Variants in ILDR2 observed in about 807,000 individuals in gnomAD.
The protein encoded by ILDR2 is immunoglobulin-like domain-containing receptor 2.
Under a neutral mutation model 66.8 loss-of-function variants are expected in ILDR2, and 25 were observed. The observed-to-expected ratio is 0.37, with a 90% CI of 0.27 to 0.52. The LOEUF is 0.52. Ranked by LOEUF, ILDR2 falls within the 20% of genes least tolerant of loss-of-function variation. The probability of loss-of-function intolerance (pLI) is 0.88; values close to 1 mark genes in which losing one functional copy is unlikely to be tolerated. For synonymous variants in ILDR2, 367 were observed against 357.2 expected, an observed-to-expected ratio of 1.03 and a Z score of -0.31; for missense variants, 827 against 876.8, an observed-to-expected ratio of 0.94 and a Z score of 0.72.
At chr1:166,927,223 A>G in intron 6 of ILDR2, 43 bp from the exon 7 acceptor site, 1 of 1,333,370 alleles carries the variant, frequency 7.5e-7, no homozygotes, top group Non-Finnish European at 1.1e-6. Context: ...AAAGGAAAAT[A>G]TCAGGAGAAG....
At position 166,897,229 on chromosome 1, in the gene ILDR2, G is replaced by A. The variant is rs909949251; in HGVS notation, n.172-1128C>T. 2.0e-5 allele frequency among the ~76,000 whole-genome samples: 3 copies of A among 152,216 alleles called. No homozygotes were observed. In the East Asian group the frequency reaches 5.8e-4, roughly 29 times the overall value. Reference sequence around the variant, plus strand: ...ACACAGTGTCAGTAGAGATGGAACAGAGGAGCTGTATTTAAAAGATATTTA... The same window carrying A: ...ACACAGTGTCAGTAGAGATGGAACAAAGGAGCTGTATTTAAAAGATATTTA... On this transcript the variant is annotated intron_variant and non_coding_transcript_variant, in intron 2 of 2. Coordinates refer to the ILDR2 transcript ENST00000414590.
At chr1:166,935,641 T>A (rs1660925411) in intron 5 of ILDR2, among the ~76,000 whole-genome samples, 164 bp from the exon 6 acceptor site, 1 of 152,064 alleles carries the variant, frequency 6.6e-6, no homozygotes, top group Admixed American at 6.6e-5. Flanking sequence ...AGAATCACTC[T>A]CCCCCACTCC....
chr1:166,951,972 T>C (rs1662009384), intron 3 of ILDR2, among the ~76,000 whole-genome samples: 1 of 152,148 alleles, frequency 6.6e-6, no homozygotes, highest in Non-Finnish European at 1.5e-5. Flanking sequence ...CAGTCACATT[T>C]CCTCCCAGGC....
chr1:166,953,318 C>G, intron 3 of ILDR2, among the ~76,000 whole-genome samples: 1 of 152,196 alleles, frequency 6.6e-6, no homozygotes, highest in East Asian at 1.9e-4. Context: ...AGAATCTAGT[C>G]CAAACTTCTT....
intron 6 of ILDR2, among the ~76,000 whole-genome samples, chr1:166,932,756 A>G (rs769028561): frequency 2.6e-5 from 4 of 152,366 alleles, no homozygotes; most frequent in East Asian, 1.9e-4. Context: ...TCAACCACAC[A>G]TTGTTCAAAA....
intron 3 of ILDR2, among the ~76,000 whole-genome samples, chr1:166,947,681 G>C (rs899722928): frequency 6.6e-6 from 1 of 152,104 alleles, no homozygotes; most frequent in Non-Finnish European, 1.5e-5. Context: ...TCCCCCGCTC[G>C]GGCCGGCGCG....
At chr1:166,903,804 T>A (rs780983128), downstream of ILDR2, among the ~76,000 whole-genome samples, 2 of 152,178 alleles carry the variant, frequency 1.3e-5, no homozygotes, top group Non-Finnish European at 2.9e-5. Context: ...TCAAGCACTG[T>A]TCACTTGTTC....
chr1:166,935,566 G>T, intron 5 of ILDR2, 89 bp from the exon 6 acceptor site: 1 of 1,223,504 alleles, frequency 8.2e-7, no homozygotes, highest in South Asian at 1.6e-5. Flanking sequence ...GCACTTCAGG[G>T]AGCTCCTGGA....
At chr1:166,939,221 C>G (rs1344613645) in intron 4 of ILDR2, among the ~76,000 whole-genome samples, 1 of 152,144 alleles carries the variant, frequency 6.6e-6, no homozygotes, top group African/African-American at 2.4e-5. Context: ...TATATGGGTA[C>G]AGCTGAAATA....
At chr1:166,970,678 G>C (rs931374963) in intron 1 of ILDR2, among the ~76,000 whole-genome samples, 1 of 152,152 alleles carries the variant, frequency 6.6e-6, no homozygotes, top group Non-Finnish European at 1.5e-5. Context: ...AGTAGTGCAA[G>C]ACTACTCATA....
intron 9 of ILDR2, among the ~76,000 whole-genome samples, chr1:166,919,976 G>T (rs1037191526): frequency 4.6e-5 from 7 of 152,138 alleles, no homozygotes; most frequent in African/African-American, 1.7e-4. Context: ...CCCCACAGCG[G>T]ACATTTGTGA....
intron 3 of ILDR2, among the ~76,000 whole-genome samples, chr1:166,954,415 T>A (rs1662156321): frequency 6.6e-6 from 1 of 152,258 alleles, no homozygotes; most frequent in Non-Finnish European, 1.5e-5. Context: ...CAGTGCTTTA[T>A]GGACTCAGAA....
chr1:166,917,178 C>T lies in ILDR2; in HGVS notation c.*2177G>A, dbSNP rs1354310358. 1 of 152,226 alleles carries T rather than the reference C, an allele frequency of 6.6e-6. No individual in the cohort carries two copies. Among genetic ancestry groups the T allele is most frequent in the Non-Finnish European group, 1.5e-5 (1 of 68,096 alleles). 9.4% of individuals were successfully genotyped at this position (152,226 alleles called of 1,614,324 possible). The stretch of plus-strand genomic sequence containing the variant: ...CAGGGTTATGGCTTGTGTCTTCCAG[C>T]CCTTGGAAGTGCCAGCACTGGGTTC... On this transcript the variant is annotated 3_prime_UTR_variant, in exon 10 of 10. Coordinates refer to ENST00000271417, the MANE Select transcript of ILDR2 (RefSeq NM_199351.3).
At chr1:166,927,557 A>G (rs1660373399) in intron 6 of ILDR2, among the ~76,000 whole-genome samples, 1 of 152,240 alleles carries the variant, frequency 6.6e-6, no homozygotes, top group African/African-American at 2.4e-5. Context: ...GATTGAGGAC[A>G]TGCGTCACTC....
At chr1:166,948,254 G>A (rs1176592228) in intron 3 of ILDR2, among the ~76,000 whole-genome samples, 1 of 152,156 alleles carries the variant, frequency 6.6e-6, no homozygotes, top group Non-Finnish European at 1.5e-5. Flanking sequence ...CTAAAGATGG[G>A]TGACCATCAT....
intron 2 of ILDR2, among the ~76,000 whole-genome samples, chr1:166,896,914 T>G (rs1659176977): frequency 6.6e-6 from 1 of 152,118 alleles, no homozygotes; most frequent in African/African-American, 2.4e-5. Flanking sequence ...GGATTACAGG[T>G]GTGAGCCACC....
intron 6 of ILDR2, among the ~76,000 whole-genome samples, chr1:166,930,108 CG>C (rs1157039059): frequency 6.6e-6 from 1 of 152,140 alleles, no homozygotes; most frequent in Non-Finnish European, 1.5e-5. Context: ...CAGACATGGT[CG>C]GTGAGAGATG....
rs374479063 is a variant in ILDR2, at chr1:166,909,736, C to CATAT, written c.*9615_*9618dup. On this transcript the variant is annotated 3_prime_UTR_variant, in exon 10 of 10. Coordinates refer to ENST00000271417, the MANE Select transcript of ILDR2 (RefSeq NM_199351.3). ...ATATATATGTGTGTGTGTATACATA[C>CATAT]ATATATATATATATATATATATAAA... is the stretch of plus-strand genomic sequence containing the variant. The CATAT allele has an allele frequency of 0.015, 1,536 of 100,722 alleles. 19 individuals are homozygous for CATAT. The highest frequency in any genetic ancestry group is 0.052 in the East Asian group (172 of 3,302). 6.2% of individuals were successfully genotyped at this position (100,722 alleles called of 1,614,324 possible).
At chr1:166,943,689 C>A (rs1661451311) in intron 3 of ILDR2, 12 of 303,730 alleles carry the variant, frequency 4.0e-5, no homozygotes, top group Non-Finnish European at 4.8e-5. Flanking sequence ...TTTATCTTTT[C>A]TTCTATCATA....
Sources: allele counts gnomAD v4.1 joint callset (sites outside exome capture counted in the v4.1 genomes callset), GRCh38; gene constraint gnomAD v4.1.1; transcripts MANE v1.5; gene names NCBI Gene and HGNC (gene_info 2026-07-23, HGNC 2026-07-21).